The following KCNK2 variants were observed in gnomAD, a reference collection of about 807,000 sequenced individuals.
KCNK2 encodes the protein potassium channel subfamily K member 2.
KCNK2 carries 21 observed loss-of-function variants against 40.5 expected under a neutral mutation model. That is an observed-to-expected ratio of 0.52 (90% confidence interval 0.37 to 0.75). KCNK2 has a LOEUF of 0.75. Among genes scored for constraint, KCNK2 ranks in the 30% least tolerant of loss-of-function variants. The pLI, the probability that KCNK2 is intolerant of heterozygous loss-of-function variation, is 0.00. For synonymous variants in KCNK2, 191 were observed against 202.2 expected (o/e 0.94, Z 0.47); for missense variants, 399 against 531.6 (o/e 0.75, Z 2.45).
At chr1:215,010,222 C>T (rs765725371) in intron 1 of KCNK2, among the ~76,000 whole-genome samples, 5 of 152,160 alleles carry the variant, frequency 3.3e-5, no homozygotes, top group Non-Finnish European at 5.9e-5. Flanking sequence ...ATATTTTTCG[C>T]AAGTTAACCA....
intron 1 of KCNK2, among the ~76,000 whole-genome samples, chr1:215,045,791 C>T (rs1657747712): frequency 6.6e-6 from 1 of 152,122 alleles, no homozygotes; most frequent in African/African-American, 2.4e-5. Flanking sequence ...ATTTTCCATT[C>T]TGTTGTCCTT....
intron 1 of KCNK2, among the ~76,000 whole-genome samples, chr1:215,068,563 A>T (rs538463123): frequency 3.3e-5 from 5 of 152,336 alleles, no homozygotes; most frequent in African/African-American, 7.2e-5. Context: ...GTTGGGGTAG[A>T]TACAAAAACA....
At chr1:215,036,197 A>G (rs1012020412) in intron 1 of KCNK2, among the ~76,000 whole-genome samples, 2 of 151,584 alleles carry the variant, frequency 1.3e-5, no homozygotes, top group African/African-American at 2.4e-5. Flanking sequence ...ATTCCCCTCA[A>G]ATTGATTTTT....
intron 5 of KCNK2, among the ~76,000 whole-genome samples, chr1:215,189,779 T>C (rs954128511): frequency 6.6e-6 from 1 of 152,168 alleles, no homozygotes; most frequent in South Asian, 2.1e-4. Flanking sequence ...AAACACCTTA[T>C]TCAGTAAAAT....
intron 1 of KCNK2, among the ~76,000 whole-genome samples, chr1:215,072,379 T>C (rs1449774463): frequency 6.6e-6 from 1 of 152,236 alleles, no homozygotes; most frequent in Non-Finnish European, 1.5e-5. Context: ...AAGAGAGCTT[T>C]TGCAGAAGCT....
intron 2 of KCNK2, among the ~76,000 whole-genome samples, chr1:215,109,000 T>G (rs1244791801): frequency 3.3e-5 from 5 of 151,890 alleles, no homozygotes; most frequent in Admixed American, 3.3e-4. Context: ...GAATGAACTA[T>G]ATATATATGC....
intron 2 of KCNK2, among the ~76,000 whole-genome samples, chr1:215,112,327 T>A (rs1660731714): frequency 6.6e-6 from 1 of 151,424 alleles, no homozygotes; most frequent in East Asian, 1.9e-4. Flanking sequence ...TTTTTTTTTT[T>A]AAAGTGCTTA....
In KCNK2 at chr1:215,172,073, T is replaced by C; in HGVS notation, c.713T>C (p.Val238Ala). Residue 238 changes from valine (V) to alanine (A), a missense_variant, in exon 5 of 7, where the codon GTG becomes GCG. Transcript: ENST00000444842. The part of the protein sequence containing the change: ...IFILFGCVLF[V>A]ALPAIIFKHI... ...ATACTATTTGGCTGTGTACTCTTTG[T>C]GGCTCTGCCTGCGATCATATTCAAA... 6.2e-7 allele frequency: 1 copy of C among 1,613,614 alleles called. No homozygotes were observed. The highest frequency in any genetic ancestry group is 8.5e-7 in the Non-Finnish European group (1 of 1,179,720).
intron 1 of KCNK2, among the ~76,000 whole-genome samples, chr1:215,075,574 A>G (rs889598430): frequency 8.5e-5 from 13 of 152,256 alleles, no homozygotes; most frequent in African/African-American, 3.1e-4. Flanking sequence ...GGTGCTTGAT[A>G]AGTACTGGTT....
At chr1:215,139,912 AT>A (rs1255396118) in intron 3 of KCNK2, among the ~76,000 whole-genome samples, 1 of 152,196 alleles carries the variant, frequency 6.6e-6, no homozygotes, top group Non-Finnish European at 1.5e-5. Context: ...ACAGAAGTGT[AT>A]AAAAAAGGGA....
At chr1:215,152,874 A>G (rs752176519) in intron 3 of KCNK2, among the ~76,000 whole-genome samples, 19 of 152,206 alleles carry the variant, frequency 1.2e-4, no homozygotes, top group Non-Finnish European at 2.5e-4. Context: ...GTTTAATTCT[A>G]GAAGGGTCTA....
At chr1:215,129,769 C>T (rs1661588733) in intron 3 of KCNK2, among the ~76,000 whole-genome samples, 1 of 152,020 alleles carries the variant, frequency 6.6e-6, no homozygotes, top group Non-Finnish European at 1.5e-5. Flanking sequence ...TCTATAGGTC[C>T]TGGTAACATT....
In KCNK2 at chr1:215,169,271, C is replaced by T; in HGVS notation, c.548C>T (p.Pro183Leu). 1 of 1,613,186 alleles carries T rather than the reference C, an allele frequency of 6.2e-7. No homozygotes were observed. The highest frequency in any genetic ancestry group is 1.1e-5 in the South Asian group (1 of 91,042). Residue 183 changes from proline (P) to leucine (L), a missense_variant, in exon 4 of 7, where the codon CCC becomes CTC. Pro to Leu is a moderately conservative substitution (Grantham distance 98). Around this residue, in one of 3 missense-constraint regions of KCNK2, gnomAD observed 279 missense variants for 353.8 expected, o/e 0.79. Transcript: ENST00000444842. ...FCIIYALLGI[P>L]LFGFLLAGVG... is the part of the protein sequence containing the mutation. The stretch of plus-strand genomic sequence containing the variant: ...ATCATCTATGCCTTACTGGGAATTC[C>T]CCTCTTTGGTTTTCTCTTGGCTGGA...
At chr1:215,198,492 A>C (rs966083862) in intron 6 of KCNK2, among the ~76,000 whole-genome samples, 3 of 152,220 alleles carry the variant, frequency 2.0e-5, no homozygotes, top group African/African-American at 7.2e-5. Context: ...ATACTGTTAA[A>C]ATTTCTAAAG....
At chr1:215,125,786 AT>A (rs1661406146) in intron 3 of KCNK2, among the ~76,000 whole-genome samples, 3 of 74,562 alleles carry the variant, frequency 4.0e-5, no homozygotes, top group Non-Finnish European at 1.2e-4. Flanking sequence ...ATAAAATAAA[AT>A]TTGAAAAAAA....
intron 6 of KCNK2, among the ~76,000 whole-genome samples, chr1:215,210,231 G>A (rs575105831): frequency 4.7e-5 from 7 of 150,322 alleles, no homozygotes; most frequent in Non-Finnish European, 8.9e-5. Flanking sequence ...GCTCTCATTT[G>A]TGTCATTTCT....
Position 215,086,485 on chromosome 1 carries a change from A to C in KCNK2, c.164A>C (p.Asn55Thr). 6.2e-7 allele frequency: 1 copy of C among 1,614,050 alleles called. No homozygotes were observed. Among genetic ancestry groups the C allele is most frequent in the Non-Finnish European group, 8.5e-7 (1 of 1,179,992 alleles). ...ASRVESDTTI[N>T]VMKWKTVSTI... ...CGGGTGGAGAGTGACACGACCATTA[A>C]TGTTATGAAATGGAAGACGGTCTCC... Residue 55 changes from asparagine (N) to threonine (T), a missense_variant, in exon 2 of 7, where the codon AAT becomes ACT. By Grantham distance (65) the Asn-to-Thr change is moderately conservative (BLOSUM62 0). This residue lies in a region of KCNK2 where 279 missense variants were observed against 353.8 expected (regional missense o/e 0.79). Transcript: ENST00000444842.
chr1:215,051,030 C>G (rs1250643442), intron 1 of KCNK2, among the ~76,000 whole-genome samples: 1 of 152,152 alleles, frequency 6.6e-6, no homozygotes, highest in African/African-American at 2.4e-5. Context: ...GTCAGAGAGT[C>G]AAAGCAATTC....
At chr1:215,018,859 A>G (rs559920403) in intron 1 of KCNK2, among the ~76,000 whole-genome samples, 7 of 152,256 alleles carry the variant, frequency 4.6e-5, no homozygotes, top group Admixed American at 1.3e-4. Flanking sequence ...CCTGGCTGCT[A>G]TGTGGCCAAT....
Sources: gnomAD v4.1 joint callset for allele counts (sites outside exome capture counted in the v4.1 genomes callset) on GRCh38, gnomAD v4.1.1 for gene constraint, gnomAD v4.1.1 regional missense constraint, MANE v1.5 for transcripts, NCBI Gene and HGNC (gene_info 2026-07-23, HGNC 2026-07-21) for gene names.